The following GREP1 variants were observed in gnomAD, a reference collection of about 807,000 sequenced individuals.
GREP1 encodes glycine rich extracellular protein 1.
intron 34 of GREP1, 40 bp downstream of exon 28, chr16:3,001,374 G>GC: frequency 5.0e-6 from 2 of 399,100 alleles, no homozygotes; most frequent in East Asian, 3.6e-5. Flanking sequence ...CTGCCCAAAG[G>GC]CCCCCCGTGG....
chr16:2,995,795 G>A (rs2072421637), intron 17 of GREP1, 24 bp downstream of exon 17: 1 of 398,486 alleles, frequency 2.5e-6, no homozygotes, highest in African/African-American at 2.1e-5. Context: ...GCCCTGGTCT[G>A]CCTCTCTATG....
chr16:2,994,906 C>T (rs1249093853), intron 12 of GREP1, 21 bp from the exon 14 acceptor site: 5 of 399,092 alleles, frequency 1.3e-5, no homozygotes, highest in East Asian at 3.6e-5. Flanking sequence ...ATTCATACCC[C>T]GCCTTGATCT....
At chr16:3,000,516 C>T in intron 31 of GREP1, 198 bp from the exon 27 acceptor site, 1 of 399,204 alleles carries the variant, frequency 2.5e-6, no homozygotes, top group Non-Finnish European at 4.4e-6. Flanking sequence ...GAGACAACAG[C>T]CCAGGGGCTA....
intron 10 of GREP1, chr16:2,993,986 C>G (rs899513166): frequency 1.3e-5 from 2 of 152,826 alleles, no homozygotes; most frequent in Admixed American, 1.3e-4. Context: ...AAACAACAAC[C>G]AAAGTAATCC....
At chr16:3,000,217 G>C (rs1475127793) in intron 29 of GREP1, 99 bp downstream of exon 26, 1 of 399,354 alleles carries the variant, frequency 2.5e-6, no homozygotes, top group Non-Finnish European at 4.4e-6. Flanking sequence ...TCTATGAGCT[G>C]GTCACCTGGC....
rs2072396443 is a variant in GREP1 at position 2,991,022 on chromosome 16, A to C, written c.269-26A>C. The C allele has an allele frequency of 2.5e-6, 1 of 398,724 alleles. No individual in the cohort carries two copies. Among genetic ancestry groups the C allele is most frequent in the Non-Finnish European group, 4.4e-6 (1 of 226,108 alleles). The allele number at this position is 398,724 out of a possible 1,614,324, so 24.7% of individuals were successfully genotyped here. A position where few individuals can be genotyped will look rare whatever the true frequency, so the allele number is the denominator to read the frequency against. ...GCTTGACGCCCCATTCCCCCTCCTC[A>C]TGTCCCTCTGGCTCTGTCTCCCCAG... On this transcript the variant is annotated intron_variant, in intron 7 of 34. Coordinates refer to ENST00000573315, the Ensembl canonical transcript of GREP1. This position sits in a 1 kb window ranked among gnomAD's most constrained non-coding sequence, Gnocchi z 4.9.
rs536278644 is a variant in GREP1, at chr16:2,998,137, C to T, written c.950-219C>T. Among the ~76,000 whole-genome samples, 7 of 152,162 alleles carry T rather than the reference C, an allele frequency of 4.6e-5. No homozygotes were observed. In the South Asian group the frequency reaches 1.0e-3, roughly 23 times the overall value. Reference sequence around the variant, plus strand: ...GGAGAGAGCCAGAAACCTCCAAAGCCGAGTTGCTCTCTGCCCCTCTTCCTG... The same window carrying T: ...GGAGAGAGCCAGAAACCTCCAAAGCTGAGTTGCTCTCTGCCCCTCTTCCTG... On this transcript the variant is annotated intron_variant, in intron 23 of 34. Coordinates refer to ENST00000573315, the Ensembl canonical transcript of GREP1.
exon 21 of GREP1, chr16:2,997,082 C>G (rs1445933770): frequency 2.5e-6 from 1 of 399,044 alleles, no homozygotes; most frequent in Non-Finnish European, 4.4e-6. Context: ...GGCCCAGAAG[C>G]CAGGTGAGCC....
At chr16:2,998,086 A>AT (rs2072436211) in intron 23 of GREP1, among the ~76,000 whole-genome samples, 1 of 151,670 alleles carries the variant, frequency 6.6e-6, no homozygotes, top group African/African-American at 2.4e-5. Flanking sequence ...GGGCCTGTCC[A>AT]TTATTCTCCA....
exon 18 of GREP1, chr16:2,995,857 G>A: frequency 2.5e-6 from 1 of 398,334 alleles, no homozygotes. Flanking sequence ...CCCTCTCCAG[G>A]ATATGGGAAA....
At position 2,989,814 on chromosome 16, in the gene GREP1, G is replaced by A. The variant is rs1299086734; in HGVS notation, c.131-160G>A. On this transcript the variant is annotated intron_variant, in intron 3 of 34. Transcript: ENST00000573315. The surrounding 1 kb of genome is among the most constrained non-coding windows in gnomAD (Gnocchi z 4.2). ...GGAAGGAGAGAGGGAAGGAGGGAGG[G>A]AAGGAGGCTGATAGCACCCACCTGT... is the stretch of plus-strand genomic sequence containing the variant. Among the ~76,000 whole-genome samples, 1 of 150,868 alleles carries A rather than the reference G, an allele frequency of 6.6e-6. No homozygotes were observed. Among genetic ancestry groups the A allele is most frequent in the Admixed American group, 6.6e-5 (1 of 15,206 alleles).
intron 5 of GREP1, 140 bp from the exon 6 acceptor site, chr16:2,990,411 TG>T (rs1346047712): frequency 5.0e-6 from 2 of 398,806 alleles, no homozygotes; most frequent in African/African-American, 4.1e-5. Flanking sequence ...ATCCCTGGGA[TG>T]GGGATTCCTG....
chr16:2,988,591 G>A (rs1193625754), exon 2 of GREP1: 5 of 399,120 alleles, frequency 1.3e-5, no homozygotes, highest in African/African-American at 8.2e-5. Context: ...CTTCCGCAGG[G>A]CTGCCCCTTC....
chr16:2,988,748 G>A (rs1239340394), intron 2 of GREP1, 126 bp downstream of exon 2: 2 of 398,236 alleles, frequency 5.0e-6, no homozygotes, highest in East Asian at 3.6e-5. Context: ...CTGTCTTCCG[G>A]GCAGGGAGTC....
At chr16:2,998,674 T>G (rs1014590356) in intron 25 of GREP1, among the ~76,000 whole-genome samples, 151 bp downstream of exon 23, 3 of 152,032 alleles carry the variant, frequency 2.0e-5, no homozygotes, top group Admixed American at 2.0e-4. Flanking sequence ...CCCAGGAGAG[T>G]GTGGACCAAG....
chr16:2,998,863 G>A (rs2072442726), exon 26 of GREP1: 2 of 399,092 alleles, frequency 5.0e-6, no homozygotes, highest in Non-Finnish European at 8.8e-6. Context: ...TGCAATGCGA[G>A]GGTCGCTCCG....
intron 10 of GREP1, chr16:2,994,075 A>G (rs1297330628): frequency 1.3e-5 from 2 of 152,420 alleles, no homozygotes; most frequent in African/African-American, 4.8e-5. Context: ...GGCATACAGT[A>G]TGGGCTGAGG....
chr16:3,000,256 C>T (rs148901696), intron 29 of GREP1, 138 bp downstream of exon 26: 3 of 399,434 alleles, frequency 7.5e-6, no homozygotes, highest in Non-Finnish European at 8.8e-6. Flanking sequence ...GTTCCACTAG[C>T]CTGTCCCTAG....
At chr16:2,988,857 A>G in intron 2 of GREP1, 3 of 390,426 alleles carry the variant, frequency 7.7e-6, no homozygotes, top group East Asian at 3.6e-5. Flanking sequence ...GGGCCTGGGC[A>G]GGCTGAGAAG....
Sources: allele counts gnomAD v4.1 joint callset (sites outside exome capture counted in the v4.1 genomes callset), GRCh38; gene constraint gnomAD v4.1.1; non-coding constraint Gnocchi (gnomAD v3.1); transcripts MANE v1.5; gene names NCBI Gene and HGNC (gene_info 2026-07-23, HGNC 2026-07-21).